The following CTNNA2 variants were observed in gnomAD, a reference collection of about 807,000 sequenced individuals.
CTNNA2 encodes the protein catenin alpha-2.
Under a neutral mutation model 101.0 loss-of-function variants are expected in CTNNA2, and 42 were observed. The observed-to-expected ratio is 0.42, with a 90% CI of 0.32 to 0.54. The LOEUF (loss-of-function observed/expected upper bound fraction) is 0.54. CTNNA2 is among the 20% of genes least tolerant of loss of function. CTNNA2 has a pLI of 0.14. For synonymous variants in CTNNA2, 450 were observed against 456.4 expected (o/e 0.99, Z 0.18); for missense variants, 871 against 1,223.1 (o/e 0.71, Z 4.29).
chr2:79,207,612 G>A (rs1423399214), intron 2 of CTNNA2, among the ~76,000 whole-genome samples: 2 of 152,184 alleles, frequency 1.3e-5, no homozygotes, highest in East Asian at 3.9e-4. Flanking sequence ...CAACATTTGT[G>A]AAGAAAGTTT....
intron 4 of CTNNA2, among the ~76,000 whole-genome samples, chr2:79,475,259 G>A (rs1671039021): frequency 1.3e-5 from 2 of 151,564 alleles, no homozygotes; most frequent in South Asian, 4.1e-4. Context: ...CAGGTTATGA[G>A]TGTAAAGGTA....
intron 3 of CTNNA2, among the ~76,000 whole-genome samples, chr2:79,324,896 T>C (rs1260924338): frequency 6.6e-6 from 1 of 152,146 alleles, no homozygotes; most frequent in Non-Finnish European, 1.5e-5. Flanking sequence ...GAAATGAAGA[T>C]GCAACCTGTG....
intron 7 of CTNNA2, among the ~76,000 whole-genome samples, chr2:80,153,847 T>C (rs1703848589): frequency 6.6e-6 from 1 of 152,194 alleles, no homozygotes; most frequent in African/African-American, 2.4e-5. Context: ...AGTAGTATTA[T>C]TACATTCAAA....
chr2:79,260,641 T>G (rs1334557839), intron 2 of CTNNA2, among the ~76,000 whole-genome samples: 3 of 152,096 alleles, frequency 2.0e-5, no homozygotes, highest in Non-Finnish European at 4.4e-5. Flanking sequence ...ACCCAGCAAG[T>G]TTGTCTTCAG....
intron 1 of CTNNA2, chr2:79,195,840 A>G (rs776948727): frequency 1.9e-6 from 1 of 513,414 alleles, no homozygotes; most frequent in Non-Finnish European, 3.9e-6. Flanking sequence ...CATATCACTC[A>G]ATGAAAGTTC....
chr2:79,666,478 A>C (rs538095172), intron 2 of CTNNA2, among the ~76,000 whole-genome samples: 2 of 152,228 alleles, frequency 1.3e-5, no homozygotes, highest in South Asian at 4.1e-4. Context: ...TCTTTGTTCT[A>C]TTCATTATTA....
intron 6 of CTNNA2, among the ~76,000 whole-genome samples, chr2:79,903,575 G>A (rs2104291547): frequency 6.6e-6 from 1 of 152,230 alleles, no homozygotes; most frequent in East Asian, 1.9e-4. Context: ...AGGCCCTTGA[G>A]GAAGCAAGGT....
intron 7 of CTNNA2, among the ~76,000 whole-genome samples, chr2:80,108,417 A>G (rs1250257700): frequency 1.3e-5 from 2 of 152,172 alleles, no homozygotes; most frequent in African/African-American, 4.8e-5. Flanking sequence ...TGGTCTCAAG[A>G]GAAGTCCACT....
chr2:79,253,868 G>A (rs1674805556), intron 2 of CTNNA2, among the ~76,000 whole-genome samples: 1 of 152,212 alleles, frequency 6.6e-6, no homozygotes, highest in South Asian at 2.1e-4. Flanking sequence ...TGTGTTAGCT[G>A]TCATCAGTGC....
chr2:79,315,306 A>G (rs1676469332), intron 3 of CTNNA2, among the ~76,000 whole-genome samples: 1 of 152,194 alleles, frequency 6.6e-6, no homozygotes, highest in South Asian at 2.1e-4. Flanking sequence ...AATAGTTTCC[A>G]TATAGTTACA....
chr2:79,837,167 C>A (rs946138918), intron 3 of CTNNA2, among the ~76,000 whole-genome samples: 9 of 152,100 alleles, frequency 5.9e-5, no homozygotes, highest in Non-Finnish European at 1.5e-5. Flanking sequence ...CATGTGATCA[C>A]AAGGTCCCAC....
At chr2:80,213,994 T>C (rs866860540) in intron 7 of CTNNA2, among the ~76,000 whole-genome samples, 2 of 152,204 alleles carry the variant, frequency 1.3e-5, no homozygotes, top group Admixed American at 6.5e-5. Flanking sequence ...CTTTTGATCT[T>C]TGTTGGTTTA....
chr2:79,467,320 T>C (rs1246201327), intron 4 of CTNNA2, among the ~76,000 whole-genome samples: 2 of 151,782 alleles, frequency 1.3e-5, no homozygotes, highest in African/African-American at 2.4e-5. Context: ...GAAGAGAAGT[T>C]TAGAGAAAAA....
intron 3 of CTNNA2, among the ~76,000 whole-genome samples, chr2:79,767,163 A>C (rs982105085): frequency 6.6e-6 from 1 of 151,870 alleles, no homozygotes; most frequent in African/African-American, 2.4e-5. Context: ...TGCCAATTGC[A>C]TTTTTTGGCT....
intron 8 of CTNNA2, among the ~76,000 whole-genome samples, chr2:80,416,733 A>G (rs1289900563): frequency 6.6e-6 from 1 of 151,954 alleles, no homozygotes; most frequent in Non-Finnish European, 1.5e-5. Context: ...ATATTTTCCT[A>G]GATATTTTAA....
chr2:79,380,196 A>G (rs1018040698), intron 4 of CTNNA2, among the ~76,000 whole-genome samples: 2 of 152,152 alleles, frequency 1.3e-5, no homozygotes, highest in African/African-American at 4.8e-5. Flanking sequence ...AGTCTTGTTT[A>G]GAGAAAAAGG....
chr2:80,261,328 T>C (rs1009259208), intron 7 of CTNNA2, among the ~76,000 whole-genome samples: 4 of 152,058 alleles, frequency 2.6e-5, no homozygotes, highest in African/African-American at 9.7e-5. Context: ...AATGGCTTGG[T>C]TACAGAACCC....
chr2:80,309,718 G>A (rs553913011), intron 7 of CTNNA2, among the ~76,000 whole-genome samples: 12 of 130,052 alleles, frequency 9.2e-5, no homozygotes, highest in South Asian at 5.2e-4. Flanking sequence ...TTTTTGAGAC[G>A]GAGTCTCGCA....
At chr2:79,992,415 A>G (rs902078848) in intron 7 of CTNNA2, among the ~76,000 whole-genome samples, 6 of 152,216 alleles carry the variant, frequency 3.9e-5, no homozygotes, top group African/African-American at 2.4e-5. Context: ...GTGAGGAATG[A>G]TATATTTTGG....
Sources: gnomAD v4.1 joint callset for allele counts (sites outside exome capture counted in the v4.1 genomes callset) on GRCh38, gnomAD v4.1.1 for gene constraint, MANE v1.5 for transcripts, NCBI Gene and HGNC (gene_info 2026-07-23, HGNC 2026-07-21) for gene names.